The following PXDN variants were observed in gnomAD, a reference collection of about 807,000 sequenced individuals.
PXDN encodes peroxidasin homolog.
A neutral mutation model predicts 140.3 loss-of-function variants in PXDN; 77 were observed. The ratio of observed to expected loss-of-function variants is 0.55; its 90% CI spans 0.46 to 0.66. The LOEUF (loss-of-function observed/expected upper bound fraction) is 0.66, where lower values mean the gene tolerates loss of function less well. Ranked by LOEUF, PXDN falls within the 30% of genes least tolerant of loss-of-function variation. PXDN has a pLI of 0.00. For synonymous variants in PXDN, 911 were observed against 857.4 expected, an observed-to-expected ratio of 1.06 and a Z score of -1.09; for missense variants, 1,838 against 2,039.5, an observed-to-expected ratio of 0.90 and a Z score of 1.90.
rs1682437104 is a variant in PXDN, at chr2:1,632,563, A to G, written c.*1641T>C. 1 of 152,198 alleles carries G rather than the reference A, an allele frequency of 6.6e-6. No individual in the cohort carries two copies. Among genetic ancestry groups the G allele is most frequent in the Admixed American group, 6.5e-5 (1 of 15,286 alleles). The allele number at this position is 152,198 out of a possible 1,614,324, so 9.4% of individuals were successfully genotyped here. Reference sequence around the variant, plus strand: ...TTTACAGATAAAACACATGAATCCAATGACCTTCCTCACAGCTGAAATGCT... The same window carrying G: ...TTTACAGATAAAACACATGAATCCAGTGACCTTCCTCACAGCTGAAATGCT... On this transcript the variant is annotated 3_prime_UTR_variant, in exon 23 of 23. Coordinates refer to ENST00000252804, the MANE Select transcript of PXDN (RefSeq NM_012293.3). This position sits in a 1 kb window ranked among gnomAD's most constrained non-coding sequence, Gnocchi z 4.3.
chr2:1,656,839 C>T (rs779842178), intron 14 of PXDN, among the ~76,000 whole-genome samples: 11 of 148,120 alleles, frequency 7.4e-5, no homozygotes, highest in Non-Finnish European at 1.0e-4. Flanking sequence ...AAACCTGTAC[C>T]CTCTTGACAG....
At chr2:1,737,360 G>A (rs1479060307) in intron 1 of PXDN, among the ~76,000 whole-genome samples, 1 of 152,024 alleles carries the variant, frequency 6.6e-6, no homozygotes, top group South Asian at 2.1e-4. Context: ...TCGTATCTAC[G>A]CCAGGATAAT....
chr2:1,707,664 C>T (rs976096938), intron 1 of PXDN, among the ~76,000 whole-genome samples: 1 of 152,156 alleles, frequency 6.6e-6, no homozygotes, highest in Non-Finnish European at 1.5e-5. Flanking sequence ...GACGCAATAA[C>T]TACACAGAAG....
At chr2:1,635,617 TA>T in intron 21 of PXDN, 96 bp from the exon 22 acceptor site, 7 of 905,084 alleles carry the variant, frequency 7.7e-6, no homozygotes, top group Non-Finnish European at 1.2e-5. Context: ...AATAATGCCT[TA>T]AAATAAACAA....
rs114091644 is a variant in PXDN, at chr2:1,639,252, G to A, written c.4073+50C>T. ...ATGCCGGTCCTACTGCCCGACGCCC[G>A]CGGTGCGAGGGCCCCTCTGCACATC... On this transcript the variant is annotated intron_variant, in intron 20 of 22. Coordinates refer to ENST00000252804, the MANE Select transcript of PXDN (RefSeq NM_012293.3). This position sits in a 1 kb window ranked among gnomAD's most constrained non-coding sequence, Gnocchi z 5.0. 1.6e-3 allele frequency: 2,575 copies of A among 1,578,344 alleles called. 37 individuals carry two copies. The African/African-American group carries it at 0.031, about 19-fold the overall frequency.
At chr2:1,697,300 C>G (rs1248091761) in intron 1 of PXDN, among the ~76,000 whole-genome samples, 5 of 152,226 alleles carry the variant, frequency 3.3e-5, no homozygotes, top group African/African-American at 1.2e-4. Context: ...CTCATAAACA[C>G]TAGTAGCAGG....
In PXDN at chr2:1,643,354, C is replaced by A. The variant is rs766553053; in HGVS notation, c.3952+14G>T. ...GGATGAAAAAGGAACAGACATGGTG[C>A]CCCTGGCACGCACCTTCACAGCAGT... On this transcript the variant is annotated intron_variant, in intron 19 of 22. Transcript: ENST00000252804. 1 of 1,609,240 alleles carries A rather than the reference C, an allele frequency of 6.2e-7. No individual in the cohort carries two copies. The highest frequency in any genetic ancestry group is 8.5e-7 in the Non-Finnish European group (1 of 1,176,352).
At position 1,744,371 on chromosome 2, in the gene PXDN, C is replaced by A. The variant is rs1307540073; in HGVS notation, c.85G>T (p.Ala29Ser). 2 of 1,526,554 alleles carry A rather than the reference C, an allele frequency of 1.3e-6. No individual in the cohort carries two copies. Among genetic ancestry groups the A allele is most frequent in the Middle Eastern group, 2.0e-4 (1 of 5,094 alleles). 94.6% of individuals were successfully genotyped at this position (1,526,554 alleles called of 1,614,324 possible). The change falls in exon 1 of 23, where the codon GCC becomes TCC. Residue 29 changes from alanine to serine, a missense_variant. By Grantham distance (99) the Ala-to-Ser change is moderately conservative. Transcript: ENST00000252804. ...FCAWGTLAVV[A>S]QKPGAGCPSR... ...GGACACCCTGCGCCCGGCTTCTGGGCCACCACGGCCAGCGTCCCCCAGGCG... is the reference window on the plus strand; with the variant it reads ...GGACACCCTGCGCCCGGCTTCTGGGACACCACGGCCAGCGTCCCCCAGGCG...
At chr2:1,690,672 G>C (rs1431355503) in intron 3 of PXDN, among the ~76,000 whole-genome samples, 1 of 108,630 alleles carries the variant, frequency 9.2e-6, no homozygotes, top group African/African-American at 4.0e-5. Flanking sequence ...AAAAAAAAAA[G>C]GGTAAATAAA....
chr2:1,677,002 GT>G lies in PXDN; in HGVS notation c.772del (p.Thr258ProfsTer29). ...GGTGAAGTACACGGTGTTCCCCGAGGTCACATCTGCGTCCTGGGGCTCGGAG... is the reference window on the plus strand; with the variant it reads ...GGTGAAGTACACGGTGTTCCCCGAGGCACATCTGCGTCCTGGGGCTCGGAG... ...ITSEPQDADV[T>X]SGNTVYFTCR... On this transcript the variant is annotated frameshift_variant, in exon 8 of 23. Coordinates refer to ENST00000252804, the MANE Select transcript of PXDN (RefSeq NM_012293.3). LOFTEE classifies it high-confidence loss of function. The G allele has an allele frequency of 6.2e-7, 1 of 1,612,686 alleles. No individual in the cohort carries two copies. The highest frequency in any genetic ancestry group is 1.7e-5 in the Admixed American group (1 of 59,932).
chr2:1,699,800 G>A (rs1558514360), intron 1 of PXDN, among the ~76,000 whole-genome samples: 1 of 152,264 alleles, frequency 6.6e-6, no homozygotes, highest in South Asian at 2.1e-4. Flanking sequence ...CGTTCGGTTC[G>A]AGAACGAAAA....
upstream of PXDN, chr2:1,744,526 C>T: frequency 7.9e-7 from 1 of 1,262,202 alleles, no homozygotes; most frequent in East Asian, 3.4e-5. Flanking sequence ...GCCCGCCCGG[C>T]CGCGGCCCAC....
chr2:1,709,295 A>C (rs1008585052), intron 1 of PXDN, among the ~76,000 whole-genome samples: 3 of 152,142 alleles, frequency 2.0e-5, no homozygotes, highest in Non-Finnish European at 2.9e-5. Flanking sequence ...GCTCAGGAGG[A>C]GGCCCGGGAG....
Position 1,665,849 on chromosome 2 carries a change from A to G in PXDN, c.1291+365T>C, listed in dbSNP as rs185438292. ...CATCCAAAACTGACCTTAGGGAAGG[A>G]TTCAAAGCTGTCTGCAAGGTGTATC... On this transcript the variant is annotated intron_variant, in intron 10 of 22. Coordinates refer to ENST00000252804, the MANE Select transcript of PXDN (RefSeq NM_012293.3). Among the ~76,000 whole-genome samples, 69 of 152,352 alleles carry G rather than the reference A, an allele frequency of 4.5e-4. 2 individuals carry two copies. The highest frequency in any genetic ancestry group is 2.1e-4 in the Non-Finnish European group (14 of 68,038).
rs1683930584 is a variant in PXDN, at chr2:1,682,516, C to G, written c.560+1140G>C. On this transcript the variant is annotated intron_variant, in intron 6 of 22. Transcript: ENST00000252804. ...CTGAATACACTCAGTAATATCTAAC[C>G]GAAACTAACGGTTTCAAGACCATGA... is the stretch of plus-strand genomic sequence containing the variant. 2.0e-5 allele frequency among the ~76,000 whole-genome samples: 3 copies of G among 152,098 alleles called. No homozygotes were observed. In the South Asian group the frequency reaches 6.2e-4, roughly 32 times the overall value.
At chr2:1,655,711 C>G (rs958040937) in intron 14 of PXDN, among the ~76,000 whole-genome samples, 1 of 131,006 alleles carries the variant, frequency 7.6e-6, no homozygotes, top group Admixed American at 8.4e-5. Context: ...TGAAACCTGC[C>G]CCCTCCTGAC....
At chr2:1,668,615 A>C (rs958754374) in intron 9 of PXDN, among the ~76,000 whole-genome samples, 6 of 151,496 alleles carry the variant, frequency 4.0e-5, no homozygotes, top group African/African-American at 1.2e-4. Context: ...AAAAAAAAAA[A>C]CAACCCCATC....
Position 1,691,961 on chromosome 2 carries a change from C to A in PXDN, c.311G>T (p.Gly104Val). The A allele has an allele frequency of 6.5e-7, 1 of 1,528,186 alleles. No homozygotes were observed. The highest frequency in any genetic ancestry group is 8.8e-7 in the Non-Finnish European group (1 of 1,131,588). The allele number at this position is 1,528,186 out of a possible 1,614,324, so 94.7% of individuals were successfully genotyped here. Reference protein sequence around the residue: ...NNNQIKRIPSGAFEDLENLKY... With the variant: ...NNNQIKRIPSVAFEDLENLKY... The stretch of plus-strand genomic sequence containing the variant: ...TAAATTTTCCAAGTCTTCAAATGCT[C>A]CACTAGGTATCCTCTTGATCTGATT... The change falls in exon 3 of 23, where the codon GGA (glycine) becomes GTA (valine). Residue 104 changes from glycine (G) to valine (V), a missense_variant. This residue lies in a region of PXDN where 231 missense variants were observed against 201.5 expected (regional missense o/e 1.15). Transcript: ENST00000252804.
At chr2:1,644,943 T>C (rs960612415) in intron 17 of PXDN, among the ~76,000 whole-genome samples, 191 bp from the exon 18 acceptor site, 1 of 152,158 alleles carries the variant, frequency 6.6e-6, no homozygotes, top group Non-Finnish European at 1.5e-5. Flanking sequence ...TACTTTCTAT[T>C]ATATATGTGA....
Sources: gnomAD v4.1 joint callset for allele counts (sites outside exome capture counted in the v4.1 genomes callset) on GRCh38, gnomAD v4.1.1 for gene constraint, gnomAD v4.1.1 regional missense constraint, Gnocchi (gnomAD v3.1) non-coding constraint, MANE v1.5 for transcripts, NCBI Gene and HGNC (gene_info 2026-07-23, HGNC 2026-07-21) for gene names.